NCOA6: variants seen among roughly 807,000 people sequenced by gnomAD.
The protein encoded by NCOA6 is NRC RAP250.
NCOA6 carries 49 observed loss-of-function variants against 171.4 expected under a neutral mutation model. That is an observed-to-expected ratio of 0.29 (90% CI 0.23 to 0.36). The LOEUF (loss-of-function observed/expected upper bound fraction) is 0.36. Ranked by LOEUF, NCOA6 falls within the 10% of genes least tolerant of loss-of-function variation. The pLI is 1.00. For synonymous variants in NCOA6, 910 were observed against 927.5 expected (o/e 0.98, Z 0.34); for missense variants, 2,248 against 2,554.5 (o/e 0.88, Z 2.59).
intron 3 of NCOA6, among the ~76,000 whole-genome samples, chr20:34,778,520 C>T (rs1377285668): frequency 3.3e-5 from 5 of 151,428 alleles, no homozygotes; most frequent in Admixed American, 6.6e-5. Context: ...CTCTGCCTCC[C>T]GGCTTCAAGC....
chr20:34,715,449 A>C, intron 14 of NCOA6, 84 bp from the exon 15 acceptor site: 2 of 962,096 alleles, frequency 2.1e-6, no homozygotes, highest in Non-Finnish European at 3.4e-6. Context: ...AGCAGGGCAG[A>C]CCTAAGGGGA....
chr20:34,808,926 G>C (rs973004723), intron 1 of NCOA6, among the ~76,000 whole-genome samples: 1 of 152,158 alleles, frequency 6.6e-6, no homozygotes, highest in Admixed American at 6.5e-5. Flanking sequence ...TTATCTGTGT[G>C]ATCAAGAAAA....
intron 4 of NCOA6, among the ~76,000 whole-genome samples, chr20:34,769,846 G>A (rs78520356): frequency 1.2e-5 from 1 of 84,418 alleles, no homozygotes; most frequent in African/African-American, 2.8e-5. Context: ...CCAAAATTTT[G>A]ACTATTGTTA....
rs1293515560 is a variant in NCOA6, at chr20:34,749,459, A to C, written c.2736T>G (p.Asn912Lys). 2 of 1,613,572 alleles carry C rather than the reference A, an allele frequency of 1.2e-6. No individual in the cohort carries two copies. Among genetic ancestry groups the C allele is most frequent in the Non-Finnish European group, 1.7e-6 (2 of 1,179,794 alleles). ...VNNKQNNTNANKPKKKKPPRK... is the reference protein window; with the variant it reads ...VNNKQNNTNAKKPKKKKPPRK... ...GAGGGGGTTTCTTCTTCTTCGGTTTATTTGCGTTGGTATTATTTTGCTTAT... is the reference window on the plus strand; with the variant it reads ...GAGGGGGTTTCTTCTTCTTCGGTTTCTTTGCGTTGGTATTATTTTGCTTAT... Residue 912 changes from asparagine to lysine, a missense_variant, in exon 9 of 15, where the codon AAT becomes AAG. Asn to Lys is a moderately conservative substitution (Grantham distance 94, BLOSUM62 0). Around this residue, in one of 7 missense-constraint regions of NCOA6, gnomAD observed 352 missense variants for 419.1 expected, o/e 0.84. Transcript: ENST00000359003.
chr20:34,813,161 G>GAA (rs981464200), intron 1 of NCOA6, among the ~76,000 whole-genome samples: 2 of 130,404 alleles, frequency 1.5e-5, no homozygotes. Context: ...CACTGTCTCA[G>GAA]AAAAAAAAAA....
At chr20:34,815,849 T>C (rs1261272751) in intron 1 of NCOA6, among the ~76,000 whole-genome samples, 1 of 152,220 alleles carries the variant, frequency 6.6e-6, no homozygotes, top group Non-Finnish European at 1.5e-5. Flanking sequence ...TCTGTTTTTC[T>C]ACAGGGTGTT....
chr20:34,769,353 C>T (rs976828034), intron 4 of NCOA6, among the ~76,000 whole-genome samples: 16 of 151,634 alleles, frequency 1.1e-4, no homozygotes, highest in African/African-American at 3.9e-4. Flanking sequence ...TCACTATGTC[C>T]GGCTACGTAT....
intron 11 of NCOA6, among the ~76,000 whole-genome samples, chr20:34,737,545 A>G (rs1370717816): frequency 6.6e-6 from 1 of 152,238 alleles, no homozygotes; most frequent in Admixed American, 6.5e-5. Flanking sequence ...CTGAAGGTAC[A>G]TTAAAGGGAG....
At chr20:34,759,679 A>T (rs933969810) in intron 5 of NCOA6, among the ~76,000 whole-genome samples, 4 of 152,184 alleles carry the variant, frequency 2.6e-5, no homozygotes, top group Non-Finnish European at 4.4e-5. Context: ...CATTGTATAG[A>T]AGCATATATC....
At chr20:34,738,162 C>T (rs1363522085) in intron 11 of NCOA6, among the ~76,000 whole-genome samples, 1 of 152,184 alleles carries the variant, frequency 6.6e-6, no homozygotes, top group African/African-American at 2.4e-5. Context: ...CTCGGCCTCT[C>T]AACATGCTGA....
rs755025808 is a variant in NCOA6 at position 34,754,712 on chromosome 20, G to C, written c.1675+10C>G. The C allele has an allele frequency of 6.2e-7, 1 of 1,614,090 alleles. No homozygotes were observed. The highest frequency in any genetic ancestry group is 8.5e-7 in the Non-Finnish European group (1 of 1,179,982). ...ATAAATGCTGGCTAAACAAATCACA[G>C]AAAACAAACCTGCATGCTGGACATT... is the stretch of plus-strand genomic sequence containing the variant. On this transcript the variant is annotated intron_variant, in intron 8 of 14. Transcript: ENST00000359003.
chr20:34,758,851 G>C lies in NCOA6; in HGVS notation c.597C>G (p.Pro199=). ...GAGTCCTGGGCTGCAGCTCTGGATT[G>C]GGGCCTGGTGCCATCATGGAAGATG... ...NVSSSMMAPG[P]NPELQPRTPR... The change falls in exon 6 of 15, where the codon CCC becomes CCG. Residue 199 remains proline (P), a synonymous_variant. Coordinates refer to ENST00000359003, the MANE Select transcript of NCOA6 (RefSeq NM_014071.5). 1.9e-6 allele frequency: 3 copies of C among 1,613,346 alleles called. No homozygotes were observed. The highest frequency in any genetic ancestry group is 2.5e-6 in the Non-Finnish European group (3 of 1,179,842).
In NCOA6 at chr20:34,749,438, G is replaced by A. The variant is rs2076402368; in HGVS notation, c.2757C>T (p.Pro919=). ...TNANKPKKKK[P]PRKKKNSQQD... is the part of the protein sequence containing the mutation. ...GCTGACTATTTTTCTTCTTCCGAGG[G>A]GGTTTCTTCTTCTTCGGTTTATTTG... The change falls in exon 9 of 15, where the codon CCC becomes CCT. Residue 919 remains proline (P), a synonymous_variant. Transcript: ENST00000359003. 5.0e-6 allele frequency: 8 copies of A among 1,611,286 alleles called. No individual in the cohort carries two copies. The highest frequency in any genetic ancestry group is 1.1e-5 in the South Asian group (1 of 90,654).
Position 34,757,429 on chromosome 20 carries a change from G to A in NCOA6, c.1319C>T (p.Pro440Leu), listed in dbSNP as rs1395703587. The A allele has an allele frequency of 6.2e-7, 1 of 1,613,796 alleles. No homozygotes were observed. The highest frequency in any genetic ancestry group is 1.7e-5 in the Admixed American group (1 of 59,990). The change falls in exon 7 of 15, where the codon CCT becomes CTT. Residue 440 changes from proline to leucine, a missense_variant. By Grantham distance (98) the Pro-to-Leu change is moderately conservative (BLOSUM62 -3). Transcript: ENST00000359003. The part of the protein sequence containing the change: ...SSPSSFQQGS[P>L]ASSPTVNQTQ... ...TTGGTTAACCGTTGGGGAGGATGCA[G>A]GGGATCCCTGCTGGAAGGAGGAGGG...
In NCOA6 at chr20:34,740,675, C is replaced by G. The variant is rs756480326; in HGVS notation, c.5581G>C (p.Ala1861Pro). Residue 1861 changes from alanine to proline, a missense_variant, in exon 11 of 15, where the codon GCT becomes CCT. Transcript: ENST00000359003. ...ETEGQGLDTT[A>P]PGLMGTEQLS... ...TGCTCTGTTCCCATGAGCCCCGGAG[C>G]TGTGGTGTCTAGCCCTTGGCCTTCA... is the stretch of plus-strand genomic sequence containing the variant. 6.8e-6 allele frequency: 11 copies of G among 1,614,202 alleles called. No homozygotes were observed. The highest frequency in any genetic ancestry group is 1.1e-5 in the South Asian group (1 of 91,086).
intron 14 of NCOA6, among the ~76,000 whole-genome samples, chr20:34,723,320 A>T (rs1226438252): frequency 1.3e-5 from 2 of 152,112 alleles, no homozygotes; most frequent in Non-Finnish European, 2.9e-5. Context: ...AGAACTGATG[A>T]CTTGCTTGAT....
chr20:34,741,767 T>C lies in NCOA6; in HGVS notation c.4489A>G (p.Asn1497Asp). 1 of 1,614,198 alleles carries C rather than the reference T, an allele frequency of 6.2e-7. No individual in the cohort carries two copies. Among genetic ancestry groups the C allele is most frequent in the Non-Finnish European group, 8.5e-7 (1 of 1,180,026 alleles). Residue 1497 changes from asparagine to aspartate, a missense_variant, in exon 11 of 15, where the codon AAC becomes GAC. Transcript: ENST00000359003. The part of the protein sequence containing the change: ...APTSLSQLLD[N>D]SGAPNVTIKP... ...ATTGTCACATTGGGAGCTCCAGAGT[T>C]GTCAAGAAGTTGACTTAACGATGTT... is the stretch of plus-strand genomic sequence containing the variant.
intron 10 of NCOA6, among the ~76,000 whole-genome samples, chr20:34,746,600 AT>A (rs2076309075): frequency 2.0e-5 from 3 of 152,266 alleles, no homozygotes; most frequent in Admixed American, 6.5e-5. Context: ...TTTGAATAGA[AT>A]GTGTGTGTGT....
intron 1 of NCOA6, chr20:34,819,393 G>A (rs528242379): frequency 6.6e-6 from 1 of 152,232 alleles, no homozygotes; most frequent in South Asian, 2.1e-4. Context: ...GAAACTCAGA[G>A]GTCTGTGTAC....
Sources: allele counts gnomAD v4.1 joint callset (sites outside exome capture counted in the v4.1 genomes callset), GRCh38; gene constraint gnomAD v4.1.1; regional missense constraint gnomAD v4.1.1; transcripts MANE v1.5; gene names NCBI Gene and HGNC (gene_info 2026-07-23, HGNC 2026-07-21).